ATMIN: variants seen among roughly 807,000 people sequenced by gnomAD.
ATMIN encodes ATM INteracting protein.
ATMIN carries 24 observed loss-of-function variants against 49.2 expected under a neutral mutation model. The observed-to-expected ratio is 0.49, with a 90% CI of 0.35 to 0.69. The LOEUF (loss-of-function observed/expected upper bound fraction) is 0.69. ATMIN is among the 30% of genes least tolerant of loss of function. The pLI, the probability that ATMIN is intolerant of heterozygous loss-of-function variation, is 0.00. For missense variants in ATMIN, 1,037 were observed against 1,005.5 expected, an observed-to-expected ratio of 1.03 and a Z score of -0.42; for synonymous variants, 450 against 392.5, an observed-to-expected ratio of 1.15 and a Z score of -1.73.
chr16:81,041,620 C>A (rs1971039121), intron 2 of ATMIN, 139 bp downstream of exon 2: 6 of 1,090,092 alleles, frequency 5.5e-6, no homozygotes, highest in Non-Finnish European at 7.9e-6. Flanking sequence ...TTGGTATAAA[C>A]CTGAGTATGC....
At position 81,044,484 on chromosome 16, in the gene ATMIN, G is replaced by C. The variant is rs1379853125; in HGVS notation, c.1986G>C (p.Glu662Asp). The C allele has an allele frequency of 1.2e-6, 2 of 1,614,114 alleles. No homozygotes were observed. The highest frequency in any genetic ancestry group is 3.3e-5 in the Admixed American group (2 of 60,020). Residue 662 changes from glutamate to aspartate, a missense_variant, in exon 4 of 4, where the codon GAG (glutamate) becomes GAC (aspartate). Transcript: ENST00000299575. ...GTGAACTTAGCACCATGACCACCGA[G>C]CCAGTCTTGGAGTCACTGGACATAG... ...EESELSTMTT[E>D]PVLESLDIET...
At position 81,044,016 on chromosome 16, in the gene ATMIN, A is replaced by G; in HGVS notation, c.1518A>G (p.Val506=). 1.2e-6 allele frequency: 2 copies of G among 1,614,254 alleles called. No individual in the cohort carries two copies. The highest frequency in any genetic ancestry group is 1.7e-6 in the Non-Finnish European group (2 of 1,180,040). ...SGIESPTDDH[V]QMDQAGMCGD... ...TAGAAAGTCCAACGGATGACCATGT[A>G]CAGATGGACCAAGCTGGAATGTGCG... The change falls in exon 4 of 4, where the codon GTA becomes GTG. Residue 506 remains valine (V), a synonymous_variant. Transcript: ENST00000299575.
intron 1 of ATMIN, chr16:81,037,342 ACT>A: frequency 2.0e-6 from 2 of 985,402 alleles, no homozygotes; most frequent in Non-Finnish European, 2.4e-6. Context: ...ACAGCAGAAA[ACT>A]CTGAGGTTGT....
rs139034682 is a variant in ATMIN, at chr16:81,043,703, C to G, written c.1205C>G (p.Thr402Arg). The G allele has an allele frequency of 1.2e-6, 2 of 1,614,066 alleles. No individual in the cohort carries two copies. Among genetic ancestry groups the G allele is most frequent in the Non-Finnish European group, 1.7e-6 (2 of 1,180,022 alleles). The change falls in exon 4 of 4, where the codon ACG (threonine) becomes AGG (arginine). Residue 402 changes from threonine (T) to arginine (R), a missense_variant. By Grantham distance (71) the Thr-to-Arg change is moderately conservative (BLOSUM62 -1). Transcript: ENST00000299575. ...AATCCTTTACAAGAACTAGGGAACA[C>G]GTGTCAAAAGAATAGCATTTCTTCA... Reference protein sequence around the residue: ...PSNPLQELGNTCQKNSISSIN... With the variant: ...PSNPLQELGNRCQKNSISSIN...
At chr16:81,036,929 G>C (rs1384906420) in intron 1 of ATMIN, among the ~76,000 whole-genome samples, 1 of 152,200 alleles carries the variant, frequency 6.6e-6, no homozygotes, top group Admixed American at 6.5e-5. Flanking sequence ...TCAGTTTCAC[G>C]GTGTTGGTAA....
At chr16:81,038,075 C>G (rs1970975171) in intron 1 of ATMIN, among the ~76,000 whole-genome samples, 1 of 152,090 alleles carries the variant, frequency 6.6e-6, no homozygotes, top group Admixed American at 6.5e-5. Context: ...CATAAAGATA[C>G]CATTTGCCTT....
rs1355831986 is a variant in ATMIN, at chr16:81,036,013, G to A, written c.143G>A (p.Arg48Gln). The change falls in exon 1 of 4, where the codon CGG becomes CAG. Residue 48 changes from arginine to glutamine, a missense_variant. Physicochemically the swap from Arg to Gln is conservative, Grantham distance 43. Coordinates refer to ENST00000299575, the MANE Select transcript of ATMIN (RefSeq NM_015251.3). Reference sequence around the variant, plus strand: ...CCGGGACCCCGACTGAGGGGCAGCCGGCCGCGGCCCGCGGGGGCGACGCAG... The same window carrying A: ...CCGGGACCCCGACTGAGGGGCAGCCAGCCGCGGCCCGCGGGGGCGACGCAG... ...VPPGPRLRGS[R>Q]PRPAGATQQP... 17 of 1,148,746 alleles carry A rather than the reference G, an allele frequency of 1.5e-5. No homozygotes were observed. Among genetic ancestry groups the A allele is most frequent in the Admixed American group, 9.7e-5 (2 of 20,710 alleles). The allele number at this position is 1,148,746 out of a possible 1,614,324, so 71.2% of individuals were successfully genotyped here.
At chr16:81,037,375 T>G in intron 1 of ATMIN, 2 of 985,462 alleles carry the variant, frequency 2.0e-6, no homozygotes, top group Non-Finnish European at 2.4e-6. Flanking sequence ...AGGACAGATG[T>G]GTCGCCAATG....
Position 81,042,353 on chromosome 16 carries a change from G to C in ATMIN, c.535G>C (p.Asp179His). Residue 179 changes from aspartate to histidine, a missense_variant, in exon 3 of 4, where the codon GAC becomes CAC. Asp to His is a moderately conservative substitution (Grantham distance 81, BLOSUM62 -1). Transcript: ENST00000299575. ...CAGCAATTCGTACGGTACAGAATGG[G>C]ACCTGAAAAGACATGCAGAGGACTG... ...KCSNSYGTEW[D>H]LKRHAEDCGK... 1.2e-6 allele frequency: 2 copies of C among 1,614,130 alleles called. No individual in the cohort carries two copies. Among genetic ancestry groups the C allele is most frequent in the Non-Finnish European group, 1.7e-6 (2 of 1,180,036 alleles).
chr16:81,037,878 G>GA (rs1242415421), intron 1 of ATMIN, among the ~76,000 whole-genome samples: 12 of 152,092 alleles, frequency 7.9e-5, no homozygotes, highest in Admixed American at 5.2e-4. Context: ...ACCCTCAGGT[G>GA]ATCCACCCAC....
intron 1 of ATMIN, among the ~76,000 whole-genome samples, chr16:81,039,648 G>A (rs1309575429): frequency 6.6e-6 from 1 of 152,230 alleles, no homozygotes; most frequent in East Asian, 1.9e-4. Flanking sequence ...AGGAAGAGCA[G>A]AAGTAAATGT....
Position 81,043,563 on chromosome 16 carries a change from A to G in ATMIN, c.1065A>G (p.Leu355=). ...PLSVGTLILG[L]DSEACSLKES... is the part of the protein sequence containing the mutation. Reference sequence around the variant, plus strand: ...CAGTAGGAACCCTGATCCTCGGCCTAGATTCAGAGGCTTGCTCTCTTAAGG... The same window carrying G: ...CAGTAGGAACCCTGATCCTCGGCCTGGATTCAGAGGCTTGCTCTCTTAAGG... The change falls in exon 4 of 4, where the codon CTA becomes CTG. Residue 355 remains leucine, a synonymous_variant. Transcript: ENST00000299575. The G allele has an allele frequency of 6.2e-7, 1 of 1,614,130 alleles. No individual in the cohort carries two copies. The highest frequency in any genetic ancestry group is 8.5e-7 in the Non-Finnish European group (1 of 1,180,038).
rs576408994 is a variant in ATMIN, at chr16:81,037,520, G to A, written c.336+1314G>A. On this transcript the variant is annotated intron_variant, in intron 1 of 3. Transcript: ENST00000299575. ...GCAGGTGGGGCCGAATTGTTGGACT[G>A]AAAAGCTCTGGGTTTCTTTCAGCAC... 1.4e-5 allele frequency: 14 copies of A among 984,376 alleles called. No individual in the cohort carries two copies. In the South Asian group the frequency reaches 5.6e-4, roughly 40 times the overall value. 61.0% of individuals were successfully genotyped at this position (984,376 alleles called of 1,614,324 possible).
chr16:81,041,023 GC>G, intron 1 of ATMIN: 2 of 245,074 alleles, frequency 8.2e-6, no homozygotes, highest in Non-Finnish European at 1.6e-5. Flanking sequence ...TTTGAAATGA[GC>G]AGGAATCTTG....
Position 81,044,776 on chromosome 16 carries a change from T to C in ATMIN, c.2278T>C (p.Leu760=). 6.2e-7 allele frequency: 1 copy of C among 1,614,222 alleles called. No homozygotes were observed. The highest frequency in any genetic ancestry group is 8.5e-7 in the Non-Finnish European group (1 of 1,180,048). The stretch of plus-strand genomic sequence containing the variant: ...ACCTGCTCTAGAAAGCAAAGTTCAG[T>C]TGAACAGTACAGAAACACAGACCAT... ...NIPALESKVQ[L]NSTETQTMSS... is the part of the protein sequence containing the mutation. The change falls in exon 4 of 4, where the codon TTG becomes CTG. Residue 760 remains leucine, a synonymous_variant. Coordinates refer to ENST00000299575, the MANE Select transcript of ATMIN (RefSeq NM_015251.3).
rs753748463 is a variant in ATMIN, at chr16:81,043,456, A to G, written c.958A>G (p.Thr320Ala). The change falls in exon 4 of 4, where the codon ACA becomes GCA. Residue 320 changes from threonine (T) to alanine (A), a missense_variant. Thr to Ala is a moderately conservative substitution (Grantham distance 58). Coordinates refer to ENST00000299575, the MANE Select transcript of ATMIN (RefSeq NM_015251.3). ...TTCTGTCATGCCTGTCTTTGTGCCT[A>G]CAGCCGACTCCTCAGCCCAGCCTGT... ...QFSVMPVFVP[T>A]ADSSAQPVVL... 7 of 1,613,988 alleles carry G rather than the reference A, an allele frequency of 4.3e-6. No individual in the cohort carries two copies. The highest frequency in any genetic ancestry group is 2.2e-5 in the East Asian group (1 of 44,836).
At chr16:81,039,455 C>T (rs1353285764) in intron 1 of ATMIN, among the ~76,000 whole-genome samples, 1 of 152,058 alleles carries the variant, frequency 6.6e-6, no homozygotes, top group South Asian at 2.1e-4. Context: ...TGATGAGCAA[C>T]GAGGATGGGT....
In ATMIN at chr16:81,045,977, C is replaced by CAA. The variant is rs34093092; in HGVS notation, c.*1019_*1020dup. 0.087 allele frequency: 12,441 copies of CAA among 143,070 alleles called. 578 individuals are homozygous for CAA. Among genetic ancestry groups the CAA allele is most frequent in the East Asian group, 0.15 (754 of 4,890 alleles). The allele number at this position is 143,070 out of a possible 1,614,324, so 8.9% of individuals were successfully genotyped here. A position where few individuals can be genotyped will look rare whatever the true frequency, so the allele number is the denominator to read the frequency against. ...TGGGTAACAGGGCAAGACCCTATCTCAAAAAAAAAAAAAGTCGCCAGCAAC... is the reference window on the plus strand; with the variant it reads ...TGGGTAACAGGGCAAGACCCTATCTCAAAAAAAAAAAAAAAGTCGCCAGCAAC... On this transcript the variant is annotated 3_prime_UTR_variant, in exon 4 of 4. Coordinates refer to ENST00000299575, the MANE Select transcript of ATMIN (RefSeq NM_015251.3).
intron 1 of ATMIN, among the ~76,000 whole-genome samples, chr16:81,039,416 C>G (rs1003384910): frequency 6.6e-6 from 1 of 152,162 alleles, no homozygotes; most frequent in Non-Finnish European, 1.5e-5. Flanking sequence ...CACCCCACCC[C>G]CAACCAAATC....
Sources: gnomAD v4.1 joint callset for allele counts (sites outside exome capture counted in the v4.1 genomes callset) on GRCh38, gnomAD v4.1.1 for gene constraint, MANE v1.5 for transcripts, NCBI Gene and HGNC (gene_info 2026-07-23, HGNC 2026-07-21) for gene names.